CTNNA3: variants seen among roughly 807,000 people sequenced by gnomAD.
CTNNA3 encodes catenin alpha 3.
A neutral mutation model predicts 95.7 loss-of-function variants in CTNNA3; 76 were observed. The ratio of observed to expected loss-of-function variants is 0.79; its 90% CI spans 0.66 to 0.96. The LOEUF (loss-of-function observed/expected upper bound fraction) is 0.96, where lower values mean the gene tolerates loss of function less well. Among genes scored for constraint, CTNNA3 ranks in the 40% least tolerant of loss-of-function variants. The pLI, the probability that CTNNA3 is intolerant of heterozygous loss-of-function variation, is 0.00. For synonymous variants in CTNNA3, 431 were observed against 374.4 expected (o/e 1.15, Z -1.74); for missense variants, 1,191 against 1,089.8 (o/e 1.09, Z -1.31).
intron 5 of CTNNA3, among the ~76,000 whole-genome samples, chr10:67,469,607 C>T (rs1183211314): frequency 2.9e-5 from 2 of 69,210 alleles, no homozygotes; most frequent in African/African-American, 5.7e-5. Flanking sequence ...CGGGGCCTGT[C>T]GGGGGGTGGG....
chr10:67,133,328 T>TTTATATATATATATATATTTATAC (rs1554928689), intron 7 of CTNNA3, among the ~76,000 whole-genome samples: 24 of 105,326 alleles, frequency 2.3e-4, no homozygotes, highest in African/African-American at 8.5e-4. Flanking sequence ...TATATATTTA[T>TTTATATATATATATATATTTATAC]ACACACACAC....
chr10:66,315,557 G>A (rs2092089630), intron 12 of CTNNA3, among the ~76,000 whole-genome samples: 1 of 151,728 alleles, frequency 6.6e-6, no homozygotes, highest in Non-Finnish European at 1.5e-5. Context: ...TTTGAACACT[G>A]ATCGTAACTT....
intron 7 of CTNNA3, among the ~76,000 whole-genome samples, chr10:67,025,683 T>C (rs902219440): frequency 1.3e-5 from 2 of 152,134 alleles, no homozygotes; most frequent in African/African-American, 2.4e-5. Context: ...ACTATATCAT[T>C]ACACAACAAC....
chr10:66,871,211 G>A (rs1343370878), intron 7 of CTNNA3, among the ~76,000 whole-genome samples: 1 of 152,120 alleles, frequency 6.6e-6, no homozygotes, highest in Admixed American at 6.5e-5. Flanking sequence ...AACACCAGGA[G>A]AGCATCATCA....
At chr10:66,247,835 G>A (rs1247902504) in intron 13 of CTNNA3, among the ~76,000 whole-genome samples, 1 of 152,120 alleles carries the variant, frequency 6.6e-6, no homozygotes, top group African/African-American at 2.4e-5. Context: ...CATCCTGCAA[G>A]AAATTCTACA....
At chr10:66,454,235 T>G (rs2093481890) in intron 11 of CTNNA3, among the ~76,000 whole-genome samples, 1 of 152,342 alleles carries the variant, frequency 6.6e-6, no homozygotes, top group South Asian at 2.1e-4. Flanking sequence ...ACTGCAGAAC[T>G]GTAAGATAAT....
intron 11 of CTNNA3, among the ~76,000 whole-genome samples, chr10:66,403,576 AC>A (rs2093035856): frequency 6.6e-6 from 1 of 152,102 alleles, no homozygotes; most frequent in Non-Finnish European, 1.5e-5. Context: ...ATCACCTTCC[AC>A]CATGTCCCTC....
intron 16 of CTNNA3, among the ~76,000 whole-genome samples, chr10:65,971,701 A>C (rs1473327750): frequency 6.6e-6 from 1 of 151,658 alleles, no homozygotes; most frequent in African/African-American, 2.4e-5. Flanking sequence ...AACAACAACA[A>C]AAAGAGCCCC....
intron 12 of CTNNA3, among the ~76,000 whole-genome samples, chr10:66,344,355 C>T (rs951959041): frequency 1.3e-5 from 2 of 151,652 alleles, no homozygotes; most frequent in Non-Finnish European, 2.9e-5. Flanking sequence ...CAACCTCCGT[C>T]TCCCGGGTTC....
chr10:67,574,949 T>C (rs926290586), intron 3 of CTNNA3, among the ~76,000 whole-genome samples: 1 of 152,160 alleles, frequency 6.6e-6, no homozygotes, highest in Non-Finnish European at 1.5e-5. Flanking sequence ...CGTTAGCTAA[T>C]AGTAAAAGTT....
chr10:66,213,007 C>T (rs1242045659), intron 13 of CTNNA3, among the ~76,000 whole-genome samples: 3 of 152,090 alleles, frequency 2.0e-5, no homozygotes, highest in South Asian at 4.1e-4. Context: ...TAGAGAGACT[C>T]TTGTCTCCAA....
chr10:66,150,189 G>A (rs1452559065), intron 13 of CTNNA3, among the ~76,000 whole-genome samples: 2 of 152,190 alleles, frequency 1.3e-5, no homozygotes. Context: ...TTCCTGGTCT[G>A]TTCTCGTGAT....
At chr10:67,734,351 T>C (rs564517084) in intron 1 of CTNNA3, among the ~76,000 whole-genome samples, 1 of 152,202 alleles carries the variant, frequency 6.6e-6, no homozygotes, top group Non-Finnish European at 1.5e-5. Flanking sequence ...GAATCTACTA[T>C]TTTTGAGAAT....
chr10:66,225,390 A>AATATATATATATATATATATAT (rs3053735), intron 13 of CTNNA3, among the ~76,000 whole-genome samples: 2 of 125,970 alleles, frequency 1.6e-5, no homozygotes, highest in African/African-American at 3.1e-5. Flanking sequence ...ATTTTATTCA[A>AATATATATATATATATATATAT]ATATATATAT....
At chr10:67,227,991 C>T (rs1014327740) in intron 5 of CTNNA3, among the ~76,000 whole-genome samples, 3 of 151,986 alleles carry the variant, frequency 2.0e-5, no homozygotes, top group African/African-American at 4.8e-5. Context: ...AAAAATTCTT[C>T]GAACTGAACA....
At chr10:67,699,297 G>T (rs548165971), upstream of CTNNA3, among the ~76,000 whole-genome samples, 1 of 152,146 alleles carries the variant, frequency 6.6e-6, no homozygotes, top group East Asian at 1.9e-4. Flanking sequence ...CAAATGAGTT[G>T]TCCACCACCC....
At chr10:66,799,463 G>C (rs1841344401) in intron 7 of CTNNA3, among the ~76,000 whole-genome samples, 1 of 151,524 alleles carries the variant, frequency 6.6e-6, no homozygotes, top group African/African-American at 2.4e-5. Context: ...AATATCTGAA[G>C]TTAAGAACTT....
intron 13 of CTNNA3, among the ~76,000 whole-genome samples, chr10:66,144,489 A>T (rs1317461976): frequency 6.6e-6 from 1 of 150,932 alleles, no homozygotes; most frequent in Non-Finnish European, 1.5e-5. Flanking sequence ...ATATTTATTT[A>T]TTTATTTTTT....
At chr10:67,717,968 T>C (rs911559074) in intron 1 of CTNNA3, among the ~76,000 whole-genome samples, 26 of 152,216 alleles carry the variant, frequency 1.7e-4, no homozygotes. Flanking sequence ...TGTTTTTCCA[T>C]TTGTTTCTGT....
Sources: gnomAD v4.1 joint callset for allele counts (sites outside exome capture counted in the v4.1 genomes callset) on GRCh38, gnomAD v4.1.1 for gene constraint, MANE v1.5 for transcripts, NCBI Gene and HGNC (gene_info 2026-07-23, HGNC 2026-07-21) for gene names.